The following MAGI2 variants were observed in gnomAD, a reference collection of about 807,000 sequenced individuals.
The protein encoded by MAGI2 is membrane-associated guanylate kinase, WW and PDZ domain-containing protein 2.
A neutral mutation model predicts 133.3 loss-of-function variants in MAGI2; 35 were observed. The ratio of observed to expected loss-of-function variants is 0.26; its 90% CI spans 0.20 to 0.35. The LOEUF (loss-of-function observed/expected upper bound fraction) is 0.35. Ranked by LOEUF, MAGI2 falls within the 10% of genes least tolerant of loss-of-function variation. MAGI2 has a pLI of 1.00. For missense variants in MAGI2, 1,636 were observed against 1,863.4 expected, an observed-to-expected ratio of 0.88 and a Z score of 2.25; for synonymous variants, 729 against 710.6, an observed-to-expected ratio of 1.03 and a Z score of -0.41.
intron 1 of MAGI2, among the ~76,000 whole-genome samples, chr7:79,165,233 T>G (rs2129548079): frequency 6.6e-6 from 1 of 151,878 alleles, no homozygotes; most frequent in Admixed American, 6.6e-5. Flanking sequence ...ACATATTTAC[T>G]GGTGAGTATT....
intron 2 of MAGI2, among the ~76,000 whole-genome samples, chr7:78,808,342 C>T (rs779955991): frequency 1.1e-4 from 17 of 152,026 alleles, no homozygotes; most frequent in Non-Finnish European, 1.9e-4. Flanking sequence ...CTGCAACTTC[C>T]ACCTCCCAAG....
rs374326337 is a variant in MAGI2, at chr7:78,538,622, G to A, written c.539-16977C>T. Among the ~76,000 whole-genome samples the A allele has an allele frequency of 2.0e-5, 3 of 152,140 alleles. No homozygotes were observed. The East Asian group carries it at 5.8e-4, about 29-fold the overall frequency. The stretch of plus-strand genomic sequence containing the variant: ...TTGTAGCTATTGTAAAAGGGGTTGA[G>A]TTCTTGATTTGTTTCTCACCTTGGT... On this transcript the variant is annotated intron_variant, in intron 3 of 21. Coordinates refer to ENST00000354212, the MANE Select transcript of MAGI2 (RefSeq NM_012301.4).
Position 79,187,244 on chromosome 7 carries a change from C to T in MAGI2, c.302-180038G>A, listed in dbSNP as rs6971032. Among the ~76,000 whole-genome samples the T allele has an allele frequency of 2.3e-3, 348 of 151,412 alleles. 5 individuals are homozygous for T. Among genetic ancestry groups the T allele is most frequent in the African/African-American group, 7.9e-3 (325 of 41,264 alleles). On this transcript the variant is annotated intron_variant, in intron 1 of 21. Transcript: ENST00000354212. Reference sequence around the variant, plus strand: ...TAATACAAGAAGTATTATTTTAATTCTCATAATTAAATTTAACCTTATAAT... The same window carrying T: ...TAATACAAGAAGTATTATTTTAATTTTCATAATTAAATTTAACCTTATAAT...
intron 2 of MAGI2, among the ~76,000 whole-genome samples, chr7:78,738,239 A>G (rs1822060678): frequency 6.6e-6 from 1 of 152,104 alleles, no homozygotes; most frequent in Non-Finnish European, 1.5e-5. Flanking sequence ...AAGACTGGGG[A>G]TGTAGTATTA....
intron 1 of MAGI2, among the ~76,000 whole-genome samples, chr7:79,443,812 G>A (rs1586004313): frequency 2.0e-5 from 3 of 152,194 alleles, no homozygotes; most frequent in Non-Finnish European, 1.5e-5. Flanking sequence ...CAAACACAAT[G>A]TAATATAAAA....
chr7:78,263,061 T>G (rs1193846602), intron 9 of MAGI2, among the ~76,000 whole-genome samples: 1 of 152,174 alleles, frequency 6.6e-6, no homozygotes, highest in Non-Finnish European at 1.5e-5. Flanking sequence ...CTCCCACTTA[T>G]AAGTGAGAAC....
chr7:79,119,321 G>T (rs372947970), intron 1 of MAGI2, among the ~76,000 whole-genome samples: 1 of 151,990 alleles, frequency 6.6e-6, no homozygotes, highest in African/African-American at 2.4e-5. Context: ...TCAAAGCAAC[G>T]GTATGAATCA....
intron 1 of MAGI2, among the ~76,000 whole-genome samples, chr7:79,079,370 A>G (rs1815828306): frequency 6.6e-6 from 1 of 152,206 alleles, no homozygotes. Flanking sequence ...ACAGTTTAAG[A>G]GGAAACAGCT....
chr7:78,602,928 A>T (rs950982571), intron 3 of MAGI2, among the ~76,000 whole-genome samples: 3 of 152,246 alleles, frequency 2.0e-5, no homozygotes, highest in Non-Finnish European at 4.4e-5. Context: ...AAGATGCTAC[A>T]GTTAATTGAC....
chr7:79,195,977 G>C (rs901438434), intron 1 of MAGI2, among the ~76,000 whole-genome samples: 1 of 151,798 alleles, frequency 6.6e-6, no homozygotes, highest in Non-Finnish European at 1.5e-5. Flanking sequence ...GGGCATCGGG[G>C]GTTGAGGAGA....
intron 8 of MAGI2, 129 bp downstream of exon 8, chr7:78,345,793 C>G (rs1790843896): frequency 1.5e-6 from 2 of 1,313,432 alleles, no homozygotes; most frequent in Non-Finnish European, 2.1e-6. Context: ...CCAGCTAAAG[C>G]TAATAGGAAG....
At chr7:78,381,941 G>C (rs182996286) in intron 6 of MAGI2, among the ~76,000 whole-genome samples, 1 of 152,156 alleles carries the variant, frequency 6.6e-6, no homozygotes, top group Non-Finnish European at 1.5e-5. Context: ...TCTCCTCTGA[G>C]AAATTTCTCT....
intron 2 of MAGI2, among the ~76,000 whole-genome samples, chr7:78,738,609 G>T (rs1243345782): frequency 3.3e-5 from 5 of 152,162 alleles, no homozygotes; most frequent in Non-Finnish European, 1.5e-5. Context: ...TATGATTAAG[G>T]ATGGTGTAAT....
intron 6 of MAGI2, among the ~76,000 whole-genome samples, chr7:78,482,885 A>ACACC (rs1312036847): frequency 7.5e-5 from 3 of 40,246 alleles, no homozygotes; most frequent in Admixed American, 3.9e-4. Context: ...AACTACACAC[A>ACACC]CACACACACA....
chr7:78,995,974 T>C (rs112928725), intron 2 of MAGI2, among the ~76,000 whole-genome samples: 41 of 152,262 alleles, frequency 2.7e-4, no homozygotes, highest in African/African-American at 9.1e-4. Flanking sequence ...GGGAACACTA[T>C]GAGAATTCAA....
At chr7:78,822,775 A>C (rs1271026799) in intron 2 of MAGI2, among the ~76,000 whole-genome samples, 1 of 152,140 alleles carries the variant, frequency 6.6e-6, no homozygotes, top group Non-Finnish European at 1.5e-5. Context: ...AAAATCAGAG[A>C]TCTTATGTGG....
intron 1 of MAGI2, among the ~76,000 whole-genome samples, chr7:79,297,608 A>G (rs1837043637): frequency 6.6e-6 from 1 of 152,364 alleles, no homozygotes; most frequent in South Asian, 2.1e-4. Flanking sequence ...CAAAAGGTCT[A>G]TAGAGCTTAT....
chr7:79,378,930 A>ATATGTG (rs1554465169), intron 1 of MAGI2, among the ~76,000 whole-genome samples: 1 of 29,784 alleles, frequency 3.4e-5, no homozygotes, highest in African/African-American at 1.5e-4. Flanking sequence ...GTGTGTGTAT[A>ATATGTG]TATATATATA....
chr7:78,954,692 G>A lies in MAGI2; in HGVS notation c.418+52398C>T, dbSNP rs190471260. Among the ~76,000 whole-genome samples the A allele has an allele frequency of 6.4e-4, 97 of 152,182 alleles. No homozygotes were observed. In the Middle Eastern group the frequency reaches 0.014, roughly 21 times the overall value. On this transcript the variant is annotated intron_variant, in intron 2 of 21. Transcript: ENST00000354212. ...AGAGAATAATTTTTCCCTGCATACT[G>A]CATAACATTTAAAACATTTAGTTCC...
Sources: allele counts gnomAD v4.1 joint callset (sites outside exome capture counted in the v4.1 genomes callset), GRCh38; gene constraint gnomAD v4.1.1; transcripts MANE v1.5; gene names NCBI Gene and HGNC (gene_info 2026-07-23, HGNC 2026-07-21).